DSCAM: variants seen among roughly 807,000 people sequenced by gnomAD.
DSCAM encodes cell adhesion molecule DSCAM.
Under a neutral mutation model 217.7 loss-of-function variants are expected in DSCAM, and 47 were observed. The ratio of observed to expected loss-of-function variants is 0.22; its 90% confidence interval spans 0.17 to 0.28. The LOEUF (loss-of-function observed/expected upper bound fraction) is 0.28. Ranked by LOEUF, DSCAM falls within the 10% of genes least tolerant of loss-of-function variation. The pLI, the probability that DSCAM is intolerant of heterozygous loss-of-function variation, is 1.00. For missense variants in DSCAM, 2,080 were observed against 2,618.3 expected, an observed-to-expected ratio of 0.79 and a Z score of 4.49; for synonymous variants, 1,056 against 1,015.3, an observed-to-expected ratio of 1.04 and a Z score of -0.76.
At chr21:40,578,257 C>T (rs181895840) in intron 3 of DSCAM, among the ~76,000 whole-genome samples, 1 of 152,234 alleles carries the variant, frequency 6.6e-6, no homozygotes, top group African/African-American at 2.4e-5. Context: ...GGGACAAGTT[C>T]AAGGATGTTC....
intron 8 of DSCAM, among the ~76,000 whole-genome samples, chr21:40,329,650 AAATAAATAAT>A (rs2074354964): frequency 6.8e-6 from 1 of 147,792 alleles, no homozygotes; most frequent in Non-Finnish European, 1.5e-5. Flanking sequence ...ATAAATAAAT[AAATAAATAAT>A]AAAAATAAAA....
chr21:40,149,010 C>G (rs1228395897), intron 16 of DSCAM, among the ~76,000 whole-genome samples: 4 of 152,112 alleles, frequency 2.6e-5, no homozygotes, highest in Non-Finnish European at 5.9e-5. Flanking sequence ...TAAAAAGATG[C>G]TTCACTTTAT....
At chr21:40,199,785 C>A (rs61624204) in intron 11 of DSCAM, among the ~76,000 whole-genome samples, 6,405 of 151,938 alleles carry the variant, frequency 0.042, 286 homozygotes, top group African/African-American at 0.11. Flanking sequence ...GTGGGTGGGG[C>A]AAGGGGAGGG....
chr21:40,332,486 A>G (rs2074387730), intron 8 of DSCAM, among the ~76,000 whole-genome samples: 2 of 152,224 alleles, frequency 1.3e-5, no homozygotes, highest in South Asian at 4.1e-4. Context: ...GTTTTATATA[A>G]ATATAAATAA....
Position 40,428,540 on chromosome 21 carries a change from G to T in DSCAM, c.509-59295C>A, listed in dbSNP as rs545445165. ...CCGCCTCAGCCTCCAAAAGTGCTGG[G>T]ATTACAGGTGTGAGCCACCACACAC... On this transcript the variant is annotated intron_variant, in intron 3 of 32. Coordinates refer to ENST00000400454, the MANE Select transcript of DSCAM (RefSeq NM_001389.5). Among the ~76,000 whole-genome samples, 182 of 152,166 alleles carry T rather than the reference G, an allele frequency of 1.2e-3. 2 individuals carry two copies. The highest frequency in any genetic ancestry group is 4.3e-3 in the African/African-American group (177 of 41,506).
chr21:40,710,147 G>C (rs558905992), intron 1 of DSCAM, among the ~76,000 whole-genome samples: 21 of 152,066 alleles, frequency 1.4e-4, no homozygotes, highest in African/African-American at 4.8e-4. Context: ...TTTGAGAAGA[G>C]TCTGTTTATA....
rs1165983471 is a variant in DSCAM, at chr21:40,016,508, T to G, written c.5687-3122A>C. ...ACGTAGCTCTAGGATGACTCACTGCTCGTTTTCTGAGTCTAAAGTAACTGA... is the reference window on the plus strand; with the variant it reads ...ACGTAGCTCTAGGATGACTCACTGCGCGTTTTCTGAGTCTAAAGTAACTGA... On this transcript the variant is annotated intron_variant, in intron 32 of 32. Coordinates refer to ENST00000400454, the MANE Select transcript of DSCAM (RefSeq NM_001389.5). This position sits in a 1 kb window ranked among gnomAD's most constrained non-coding sequence, Gnocchi z 4.3. 2.6e-5 allele frequency among the ~76,000 whole-genome samples: 4 copies of G among 152,204 alleles called. No homozygotes were observed. Among genetic ancestry groups the G allele is most frequent in the Non-Finnish European group, 5.9e-5 (4 of 68,034 alleles).
At chr21:40,454,603 C>A (rs1040481209) in intron 3 of DSCAM, among the ~76,000 whole-genome samples, 1 of 152,164 alleles carries the variant, frequency 6.6e-6, no homozygotes, top group Non-Finnish European at 1.5e-5. Flanking sequence ...AGAGTTTATA[C>A]AATTCATCTT....
At chr21:40,093,615 G>A in intron 21 of DSCAM, 106 bp downstream of exon 21, 1 of 1,337,248 alleles carries the variant, frequency 7.5e-7, no homozygotes, top group Admixed American at 2.2e-5. Flanking sequence ...GTGATATTCT[G>A]GTTTATTTGA....
At chr21:40,708,859 T>A in intron 1 of DSCAM, 88 bp from the exon 2 acceptor site, 1 of 1,009,490 alleles carries the variant, frequency 9.9e-7, no homozygotes, top group Non-Finnish European at 1.4e-6. Flanking sequence ...AAAGTTATCC[T>A]GAAAATTAAT....
At chr21:40,222,899 T>C (rs1192611490) in intron 11 of DSCAM, among the ~76,000 whole-genome samples, 1 of 152,234 alleles carries the variant, frequency 6.6e-6, no homozygotes, top group African/African-American at 2.4e-5. Flanking sequence ...GTTTGAAATC[T>C]ATACTGATCT....
intron 20 of DSCAM, among the ~76,000 whole-genome samples, chr21:40,115,640 A>C (rs1486405606): frequency 2.0e-5 from 3 of 152,192 alleles, no homozygotes; most frequent in Admixed American, 2.0e-4. Flanking sequence ...TATTATTAGA[A>C]AGCCAAAAAA....
At chr21:40,548,767 G>A (rs1388397117) in intron 3 of DSCAM, among the ~76,000 whole-genome samples, 1 of 152,088 alleles carries the variant, frequency 6.6e-6, no homozygotes, top group African/African-American at 2.4e-5. Context: ...GTACCATTAG[G>A]TAGGCATGAC....
chr21:40,140,158 C>T (rs958655012), intron 18 of DSCAM, among the ~76,000 whole-genome samples: 2 of 152,004 alleles, frequency 1.3e-5, no homozygotes, highest in African/African-American at 4.8e-5. Flanking sequence ...GCCTCATAAA[C>T]GAAATCTCTC....
Position 40,036,964 on chromosome 21 carries a change from C to G in DSCAM, c.5686+5407G>C, listed in dbSNP as rs1001850567. Reference sequence around the variant, plus strand: ...AGAAAGGGCCTTTGACAAAATTCAACAACCCTTCATGCTAAAAACTCTTAA... The same window carrying G: ...AGAAAGGGCCTTTGACAAAATTCAAGAACCCTTCATGCTAAAAACTCTTAA... On this transcript the variant is annotated intron_variant, in intron 32 of 32. Transcript: ENST00000400454. 6.0e-5 allele frequency among the ~76,000 whole-genome samples: 9 copies of G among 150,798 alleles called. No homozygotes were observed. In the East Asian group the frequency reaches 1.7e-3, roughly 29 times the overall value.
intron 20 of DSCAM, among the ~76,000 whole-genome samples, chr21:40,105,756 G>A (rs1380576004): frequency 7.2e-5 from 11 of 152,062 alleles, no homozygotes; most frequent in Non-Finnish European, 1.5e-4. Flanking sequence ...AAACAACATC[G>A]ACTTCCCTTC....
intron 11 of DSCAM, among the ~76,000 whole-genome samples, chr21:40,250,548 A>C (rs2073289306): frequency 6.6e-6 from 1 of 152,206 alleles, no homozygotes; most frequent in Non-Finnish European, 1.5e-5. Flanking sequence ...GCCATTTTAC[A>C]TTTTCTCACA....
intron 3 of DSCAM, among the ~76,000 whole-genome samples, chr21:40,657,664 C>T (rs1399524413): frequency 6.6e-6 from 1 of 152,118 alleles, no homozygotes; most frequent in Non-Finnish European, 1.5e-5. Context: ...TTCCACAACG[C>T]GGCAATCTGA....
intron 3 of DSCAM, among the ~76,000 whole-genome samples, chr21:40,501,666 A>G (rs527819938): frequency 1.2e-4 from 18 of 152,296 alleles, no homozygotes; most frequent in African/African-American, 4.1e-4. Context: ...ATCTCTGCTC[A>G]CAGCAACCTC....
Sources: allele counts gnomAD v4.1 joint callset (sites outside exome capture counted in the v4.1 genomes callset), GRCh38; gene constraint gnomAD v4.1.1; non-coding constraint Gnocchi (gnomAD v3.1); transcripts MANE v1.5; gene names NCBI Gene and HGNC (gene_info 2026-07-23, HGNC 2026-07-21).